The following FAM200B variants were observed in gnomAD, a reference collection of about 807,000 sequenced individuals.
FAM200B encodes zinc finger BED-type containing 11, also known as protein FAM200B.
A neutral mutation model predicts 33.1 loss-of-function variants in FAM200B; 32 were observed. That is an observed-to-expected ratio of 0.97 (90% CI 0.73 to 1.30). The LOEUF is 1.30. FAM200B is among the 50% of genes most tolerant of loss of function. The probability of loss-of-function intolerance (pLI) is 0.00; values close to 1 mark genes in which losing one functional copy is unlikely to be tolerated. For synonymous variants in FAM200B, 240 were observed against 264.8 expected (o/e 0.91, Z 0.91); for missense variants, 741 against 754.0 (o/e 0.98, Z 0.20).
the FAM200B span, among the ~76,000 whole-genome samples, chr4:15,659,568 A>C: frequency 6.6e-6 from 1 of 152,174 alleles, no homozygotes; most frequent in South Asian, 2.1e-4. Flanking sequence ...CATTCCTTAG[A>C]TCTCCTTTTG....
chr4:15,676,862 G>A (rs1718013184), upstream of FAM200B, among the ~76,000 whole-genome samples: 2 of 152,210 alleles, frequency 1.3e-5, no homozygotes, highest in South Asian at 4.2e-4. Context: ...ACTAGTCCAT[G>A]TTAAAGAAAT....
At position 15,686,398 on chromosome 4, in the gene FAM200B, C is replaced by T. The variant is rs1200172495; in HGVS notation, c.-580C>T. The T allele has an allele frequency of 6.6e-6, 1 of 152,144 alleles. No individual in the cohort carries two copies. The highest frequency in any genetic ancestry group is 1.5e-5 in the Non-Finnish European group (1 of 68,028). 9.4% of individuals were successfully genotyped at this position (152,144 alleles called of 1,614,324 possible). A position where few individuals can be genotyped will look rare whatever the true frequency, so the allele number is the denominator to read the frequency against. ...TAAATTCCCACCACTTCAAGATGTTCTTATACAAGTCAACAGTCTAGCAGA... is the reference window on the plus strand; with the variant it reads ...TAAATTCCCACCACTTCAAGATGTTTTTATACAAGTCAACAGTCTAGCAGA... On this transcript the variant is annotated 5_prime_UTR_variant, in exon 2 of 2. Transcript: ENST00000422728.
chr4:15,679,939 T>A (rs1004924247), upstream of FAM200B, among the ~76,000 whole-genome samples: 1 of 152,228 alleles, frequency 6.6e-6, no homozygotes, highest in South Asian at 2.1e-4. Flanking sequence ...AGAAATGACA[T>A]GTATTCACTG....
the FAM200B span, among the ~76,000 whole-genome samples, chr4:15,643,913 T>A: frequency 0.01 from 1,595 of 152,306 alleles, 20 homozygotes; most frequent in African/African-American, 0.037. Context: ...GCATTCATTA[T>A]AAAATTTTAT....
the FAM200B span, chr4:15,656,470 A>G: frequency 2.9e-6 from 1 of 346,212 alleles, no homozygotes; most frequent in South Asian, 2.2e-5. Flanking sequence ...CTTGTTCTCT[A>G]TTATCTATCA....
the FAM200B span, among the ~76,000 whole-genome samples, chr4:15,646,882 ACAGT>A: frequency 6.6e-6 from 1 of 152,060 alleles, no homozygotes; most frequent in Non-Finnish European, 1.5e-5. Context: ...AAAAGTAAAC[ACAGT>A]CAGCCTCCGT....
At chr4:15,641,301 A>C in the FAM200B span, among the ~76,000 whole-genome samples, 2 of 152,142 alleles carry the variant, frequency 1.3e-5, no homozygotes, top group Non-Finnish European at 2.9e-5. Flanking sequence ...CTTGAACAAC[A>C]CAGGTTTGAA....
At chr4:15,644,166 A>G in the FAM200B span, among the ~76,000 whole-genome samples, 2 of 152,376 alleles carry the variant, frequency 1.3e-5, no homozygotes, top group South Asian at 4.1e-4. Flanking sequence ...GCCTTCAGCA[A>G]GAATTTTATA....
chr4:15,687,075 A>G lies in FAM200B; in HGVS notation c.98A>G (p.Asp33Gly). ...GTTGAATCTGGAATTGTGAATAGTG[A>G]CAATATTGAGAAAAATACTGACTCC... ...SSVESGIVNS[D>G]NIEKNTDSNL... Residue 33 changes from aspartate to glycine, a missense_variant, in exon 2 of 2, where the codon GAC becomes GGC. Coordinates refer to ENST00000422728, the MANE Select transcript of FAM200B (RefSeq NM_001145191.2). 3.2e-6 allele frequency: 5 copies of G among 1,545,882 alleles called. No homozygotes were observed. The highest frequency in any genetic ancestry group is 4.4e-6 in the Non-Finnish European group (5 of 1,143,634).
At position 15,687,442 on chromosome 4, in the gene FAM200B, T is replaced by C. The variant is rs1473687738; in HGVS notation, c.465T>C (p.Tyr155=). The change falls in exon 2 of 2, where the codon TAT becomes TAC. Residue 155 remains tyrosine (Y), a synonymous_variant. Transcript: ENST00000422728. ...KALLSSYLVA[Y]RVAKEKIANT... ...TATTATCATCATATTTAGTTGCATA[T>C]CGTGTGGCAAAAGAGAAAATAGCTA... is the stretch of plus-strand genomic sequence containing the variant. 1.3e-6 allele frequency: 2 copies of C among 1,551,126 alleles called. No individual in the cohort carries two copies. The highest frequency in any genetic ancestry group is 1.2e-5 in the South Asian group (1 of 84,040).
the FAM200B span, among the ~76,000 whole-genome samples, chr4:15,675,572 ATTTTTTTTTT>A: frequency 3.1e-5 from 3 of 96,704 alleles, no homozygotes; most frequent in African/African-American, 3.9e-5. Flanking sequence ...CAAAACTCCT[ATTTTTTTTTT>A]TTTTTTTTTT....
At chr4:15,666,083 A>G in the FAM200B span, among the ~76,000 whole-genome samples, 1 of 151,954 alleles carries the variant, frequency 6.6e-6, no homozygotes, top group African/African-American at 2.4e-5. Context: ...TTTTAGGGTG[A>G]CTTGGCTTTT....
chr4:15,669,928 CA>C, the FAM200B span, among the ~76,000 whole-genome samples: 1 of 152,134 alleles, frequency 6.6e-6, no homozygotes, highest in African/African-American at 2.4e-5. Flanking sequence ...GGGCGGTAAT[CA>C]CCCTAGGTAC....
chr4:15,659,008 A>C, the FAM200B span, among the ~76,000 whole-genome samples: 1 of 152,204 alleles, frequency 6.6e-6, no homozygotes, highest in Non-Finnish European at 1.5e-5. Flanking sequence ...GTTTCATACT[A>C]TCCACCCCAT....
At chr4:15,647,223 A>AG in the FAM200B span, among the ~76,000 whole-genome samples, 1 of 23,740 alleles carries the variant, frequency 4.2e-5, no homozygotes, top group Non-Finnish European at 9.3e-5. Context: ...ACTCCATCTC[A>AG]AAAAAAAAAA....
the FAM200B span, among the ~76,000 whole-genome samples, chr4:15,642,539 G>C: frequency 6.6e-6 from 1 of 152,080 alleles, no homozygotes; most frequent in Admixed American, 6.5e-5. Flanking sequence ...CCCAGCCTAT[G>C]AAAACTTTTA....
upstream of FAM200B, among the ~76,000 whole-genome samples, chr4:15,680,691 A>AAATCCAG (rs1397031019): frequency 6.6e-6 from 1 of 152,062 alleles, no homozygotes; most frequent in East Asian, 1.9e-4. Context: ...TTAAAAAAAA[A>AAATCCAG]AATCCAGTTG....
At chr4:15,665,908 T>C in the FAM200B span, among the ~76,000 whole-genome samples, 10 of 152,122 alleles carry the variant, frequency 6.6e-5, no homozygotes, top group African/African-American at 2.2e-4. Context: ...ACAAGTGAAC[T>C]GTCCAAGACC....
intron 1 of FAM200B, among the ~76,000 whole-genome samples, chr4:15,684,388 A>G (rs1718631001): frequency 6.6e-6 from 1 of 152,238 alleles, no homozygotes; most frequent in South Asian, 2.1e-4. Context: ...TTTCGGAGAT[A>G]TAAGTAAAGA....
Sources: allele counts gnomAD v4.1 joint callset (sites outside exome capture counted in the v4.1 genomes callset), GRCh38; gene constraint gnomAD v4.1.1; transcripts MANE v1.5; gene names NCBI Gene and HGNC (gene_info 2026-07-23, HGNC 2026-07-21).